The following SCAF8 variants were observed in gnomAD, a reference collection of about 807,000 sequenced individuals.
SCAF8 encodes the protein SR-related CTD associated factor 8.
Under a neutral mutation model 140.5 loss-of-function variants are expected in SCAF8, and 23 were observed. That is an observed-to-expected ratio of 0.16 (90% CI 0.12 to 0.23). The LOEUF (loss-of-function observed/expected upper bound fraction) is 0.23, where lower values mean the gene tolerates loss of function less well. Among genes scored for constraint, SCAF8 ranks in the 10% least tolerant of loss-of-function variants. The pLI, the probability that SCAF8 is intolerant of heterozygous loss-of-function variation, is 1.00. For missense variants in SCAF8, 1,397 were observed against 1,555.7 expected (o/e 0.90, Z 1.72); for synonymous variants, 575 against 528.9 (o/e 1.09, Z -1.20).
At position 154,795,050 on chromosome 6, in the gene SCAF8, G is replaced by A; in HGVS notation, c.517G>A (p.Gly173Ser). 6.2e-7 allele frequency: 1 copy of A among 1,613,092 alleles called. No homozygotes were observed. Among genetic ancestry groups the A allele is most frequent in the Non-Finnish European group, 8.5e-7 (1 of 1,179,630 alleles). ...TGTTACTCCGGCCAATGTGGTCCAAGGCTTACCTGATCCGTGGGTATCTCA... is the reference window on the plus strand; with the variant it reads ...TGTTACTCCGGCCAATGTGGTCCAAAGCTTACCTGATCCGTGGGTATCTCA... ...TPVTPANVVQGLPDPWVSQIT... is the reference protein window; with the variant it reads ...TPVTPANVVQSLPDPWVSQIT... The change falls in exon 6 of 20, where the codon GGC becomes AGC. Residue 173 changes from glycine (G) to serine (S), a missense_variant. Transcript: ENST00000367178.
At chr6:154,796,393 G>GTCTGTCTC (rs1357675861) in intron 6 of SCAF8, among the ~76,000 whole-genome samples, 32 of 80,144 alleles carry the variant, frequency 4.0e-4, no homozygotes, top group East Asian at 6.7e-4. Context: ...CTCTCTCTCT[G>GTCTGTCTC]TCTCTCTCTT....
intron 1 of SCAF8, among the ~76,000 whole-genome samples, chr6:154,745,248 G>A (rs555043119): frequency 6.0e-4 from 92 of 152,274 alleles, no homozygotes; most frequent in African/African-American, 2.1e-3. Context: ...GCTGCTTCAT[G>A]ATTAGGTTTG....
Position 154,832,578 on chromosome 6 carries a change from G to T in SCAF8, c.2999G>T (p.Arg1000Met), listed in dbSNP as rs762447635. ...SVDNVTNPEK[R>M]IPLGNDNIQQ... ...GACAATGTTACTAACCCAGAAAAAA[G>T]GATACCACTTGGGAATGATAACATT... The change falls in exon 20 of 20, where the codon AGG becomes ATG. Residue 1000 changes from arginine (R) to methionine (M), a missense_variant. Arg to Met is a moderately conservative substitution (Grantham distance 91, BLOSUM62 -1). Around this residue, in one of 5 missense-constraint regions of SCAF8, gnomAD observed 930 missense variants for 874.6 expected, o/e 1.06. Coordinates refer to ENST00000367178, the MANE Select transcript of SCAF8 (RefSeq NM_014892.5). 6.2e-7 allele frequency: 1 copy of T among 1,614,068 alleles called. No homozygotes were observed. The highest frequency in any genetic ancestry group is 1.7e-5 in the Admixed American group (1 of 60,010).
In SCAF8 at chr6:154,815,765, G is replaced by A. The variant is rs1163728639; in HGVS notation, c.1470G>A (p.Gln490=). Residue 490 remains glutamine (Q), a synonymous_variant, in exon 13 of 20, where the codon CAG becomes CAA. Coordinates refer to ENST00000367178, the MANE Select transcript of SCAF8 (RefSeq NM_014892.5). ...GGCAAGTGGACAAGAAGGCAACACA[G>A]CAAGACTTAACCAACCTGTTTGAAG... ...WVGQVDKKAT[Q]QDLTNLFEEF... The A allele has an allele frequency of 6.2e-7, 1 of 1,613,154 alleles. No homozygotes were observed. Among genetic ancestry groups the A allele is most frequent in the Non-Finnish European group, 8.5e-7 (1 of 1,179,344 alleles).
At chr6:154,767,635 G>T (rs188089298) in intron 1 of SCAF8, among the ~76,000 whole-genome samples, 282 of 148,836 alleles carry the variant, frequency 1.9e-3, no homozygotes, top group African/African-American at 5.4e-3. Flanking sequence ...TGCCTCCTGG[G>T]CTCAAGTGAT....
In SCAF8 at chr6:154,755,357, G is replaced by A. The variant is rs1176584691; in HGVS notation, c.31-18632G>A. ...CAACCTCCACCTCCTGGGTTCAAGC[G>A]ATTCTCGTGTCTCAGCCTCCCGAGT... On this transcript the variant is annotated intron_variant, in intron 1 of 19. Coordinates refer to ENST00000367178, the MANE Select transcript of SCAF8 (RefSeq NM_014892.5). Among the ~76,000 whole-genome samples the A allele has an allele frequency of 5.9e-5, 9 of 152,138 alleles. No homozygotes were observed. The East Asian group carries it at 1.7e-3, about 29-fold the overall frequency.
rs1425603429 is a variant in SCAF8 at position 154,834,078 on chromosome 6, T to C, written c.*683T>C. 6.6e-6 allele frequency: 1 copy of C among 152,230 alleles called. No individual in the cohort carries two copies. Among genetic ancestry groups the C allele is most frequent in the Non-Finnish European group, 1.5e-5 (1 of 68,024 alleles). The allele number at this position is 152,230 out of a possible 1,614,324, so 9.4% of individuals were successfully genotyped here. A position where few individuals can be genotyped will look rare whatever the true frequency, so the allele number is the denominator to read the frequency against. ...TTTGATAACAGTGTTCTAGGAATTGTATTTTTTTAACCTATAAATTCTTAA... is the reference window on the plus strand; with the variant it reads ...TTTGATAACAGTGTTCTAGGAATTGCATTTTTTTAACCTATAAATTCTTAA... On this transcript the variant is annotated 3_prime_UTR_variant, in exon 20 of 20. Coordinates refer to ENST00000367178, the MANE Select transcript of SCAF8 (RefSeq NM_014892.5).
chr6:154,803,490 T>C, intron 7 of SCAF8, 54 bp from the exon 8 acceptor site: 2 of 1,208,370 alleles, frequency 1.7e-6, no homozygotes, highest in Admixed American at 1.7e-5. Context: ...CATTTGTAAC[T>C]TGTATTTGTG....
chr6:154,766,642 C>A (rs1307410349), intron 1 of SCAF8, among the ~76,000 whole-genome samples: 1 of 148,766 alleles, frequency 6.7e-6, no homozygotes, highest in Non-Finnish European at 1.5e-5. Context: ...TGAAACCCTT[C>A]ACCTCCCTCC....
chr6:154,791,053 G>A (rs780344976), intron 4 of SCAF8, among the ~76,000 whole-genome samples: 4 of 152,278 alleles, frequency 2.6e-5, no homozygotes, highest in South Asian at 4.1e-4. Context: ...TGGGTGAAAT[G>A]TTTATTTCAA....
intron 12 of SCAF8, among the ~76,000 whole-genome samples, chr6:154,814,659 C>T (rs1778194754): frequency 6.6e-6 from 1 of 152,140 alleles, no homozygotes; most frequent in African/African-American, 2.4e-5. Context: ...GAAATGTGGA[C>T]ATTGACATAA....
intron 9 of SCAF8, 101 bp downstream of exon 9, chr6:154,805,587 TA>T (rs1393207024): frequency 4.0e-6 from 2 of 498,392 alleles, no homozygotes; most frequent in Non-Finnish European, 7.1e-6. Context: ...TTGGTCTTAA[TA>T]GAATATTTTC....
chr6:154,793,434 T>A (rs943304154), intron 5 of SCAF8, among the ~76,000 whole-genome samples: 2 of 151,764 alleles, frequency 1.3e-5, no homozygotes, highest in African/African-American at 4.8e-5. Flanking sequence ...TTTAAAAATT[T>A]TTTGAAATTT....
chr6:154,751,830 C>CAT (rs1456599896), intron 1 of SCAF8, among the ~76,000 whole-genome samples: 10 of 152,084 alleles, frequency 6.6e-5, no homozygotes, highest in Non-Finnish European at 1.5e-5. Flanking sequence ...GAATAAGGAG[C>CAT]ATACTACTGT....
At position 154,784,453 on chromosome 6, in the gene SCAF8, C is replaced by A. The variant is rs575880790; in HGVS notation, c.160-3408C>A. On this transcript the variant is annotated intron_variant, in intron 3 of 19. Transcript: ENST00000367178. ...TGATTAGAGAAACTTTTGCCTCTTG[C>A]TTTATTTAAGAAACCAGGGATGTTT... 4.2e-3 allele frequency among the ~76,000 whole-genome samples: 636 copies of A among 152,198 alleles called. 2 individuals are homozygous for A. Among genetic ancestry groups the A allele is most frequent in the Non-Finnish European group, 6.8e-3 (463 of 68,028 alleles).
rs781286195 is a variant in SCAF8 at position 154,822,277 on chromosome 6, G to A, written c.1794G>A (p.Glu598=). 1.2e-6 allele frequency: 2 copies of A among 1,605,212 alleles called. No individual in the cohort carries two copies. The highest frequency in any genetic ancestry group is 1.7e-6 in the Non-Finnish European group (2 of 1,177,156). Residue 598 remains glutamate (E), a splice_region_variant and synonymous_variant, in exon 16 of 20, where the codon GAG becomes GAA. Transcript: ENST00000367178. The stretch of plus-strand genomic sequence containing the variant: ...ATCAATTTCAACTATTTTGTTTAGA[G>A]TGGGAAACTGTGAAAAGCTCAGAAC... The part of the protein sequence containing the change: ...GMIDQETVNT[E]WETVKSSEPV...
At chr6:154,748,548 G>T (rs540576828) in intron 1 of SCAF8, among the ~76,000 whole-genome samples, 1 of 151,992 alleles carries the variant, frequency 6.6e-6, no homozygotes, top group African/African-American at 2.4e-5. Flanking sequence ...TTGCTGAAAT[G>T]ACTTCTATAA....
chr6:154,737,124 TTA>T (rs1406380437), intron 1 of SCAF8, among the ~76,000 whole-genome samples: 1 of 152,250 alleles, frequency 6.6e-6, no homozygotes, highest in Non-Finnish European at 1.5e-5. Context: ...TTCCATTAAA[TTA>T]TGTGTTACAA....
intron 2 of SCAF8, among the ~76,000 whole-genome samples, chr6:154,775,585 A>G (rs1031098488): frequency 6.6e-6 from 1 of 152,126 alleles, no homozygotes; most frequent in South Asian, 2.1e-4. Flanking sequence ...ATATAGCTAG[A>G]ATTTTAAGCC....
Sources: allele counts gnomAD v4.1 joint callset (sites outside exome capture counted in the v4.1 genomes callset), GRCh38; gene constraint gnomAD v4.1.1; regional missense constraint gnomAD v4.1.1; transcripts MANE v1.5; gene names NCBI Gene and HGNC (gene_info 2026-07-23, HGNC 2026-07-21).